The following SVIL variants were observed in gnomAD, a reference collection of about 807,000 sequenced individuals.
SVIL encodes the protein archvillin.
A neutral mutation model predicts 240.4 loss-of-function variants in SVIL; 101 were observed. That is an observed-to-expected ratio of 0.42 (90% CI 0.36 to 0.50). The LOEUF is 0.50. SVIL is among the 20% of genes least tolerant of loss of function. The pLI is 0.01. For synonymous variants in SVIL, 999 were observed against 1,100.0 expected (o/e 0.91, Z 1.82); for missense variants, 2,512 against 2,818.7 (o/e 0.89, Z 2.46).
intron 1 of SVIL, among the ~76,000 whole-genome samples, chr10:29,598,950 C>A (rs1956705873): frequency 6.6e-6 from 1 of 152,170 alleles, no homozygotes; most frequent in Admixed American, 6.5e-5. Flanking sequence ...CAGGCCAGCC[C>A]AGCCAACGTT....
chr10:29,554,576 A>C (rs1329214870), intron 5 of SVIL, among the ~76,000 whole-genome samples: 3 of 152,158 alleles, frequency 2.0e-5, no homozygotes, highest in Non-Finnish European at 2.9e-5. Flanking sequence ...CTTGAGCTTG[A>C]GCCCAGGAGT....
Position 29,627,036 on chromosome 10 carries a change from T to TAAAAATAAAA in SVIL, c.-201+7383_-201+7384insTTTTATTTTT, listed in dbSNP as rs1957902371. 1.0e-3 allele frequency among the ~76,000 whole-genome samples: 146 copies of TAAAAATAAAA among 141,388 alleles called. 1 individual carries two copies. Among genetic ancestry groups the TAAAAATAAAA allele is most frequent in the African/African-American group, 3.7e-3 (137 of 37,082 alleles). 92.8% of individuals were successfully genotyped at this position (141,388 alleles called of 152,430 possible). ...GAGACTCCATCTCAAAAAAATAAAA[T>TAAAAATAAAA]GAAAATAAAATAAAATAAAATAAAA... On this transcript the variant is annotated intron_variant, in intron 1 of 37. Coordinates refer to ENST00000355867, the MANE Select transcript of SVIL (RefSeq NM_021738.3).
chr10:29,736,078 G>A (rs958232114), upstream of SVIL, among the ~76,000 whole-genome samples: 2 of 151,998 alleles, frequency 1.3e-5, no homozygotes, highest in Non-Finnish European at 2.9e-5. Context: ...CTCTCAACGC[G>A]GGCACCCCTT....
chr10:29,517,578 GA>G (rs1277482306), intron 16 of SVIL, among the ~76,000 whole-genome samples: 9 of 152,228 alleles, frequency 5.9e-5, no homozygotes, highest in Admixed American at 1.3e-4. Context: ...TGGAGACAGG[GA>G]GACAGCCTCT....
chr10:29,693,378 G>T (rs1184251857), intron 1 of SVIL, among the ~76,000 whole-genome samples: 1 of 152,122 alleles, frequency 6.6e-6, no homozygotes, highest in East Asian at 1.9e-4. Flanking sequence ...CAATCTAGAA[G>T]GTTTCTCCCT....
intron 2 of SVIL, among the ~76,000 whole-genome samples, chr10:29,686,177 G>A (rs1961054081): frequency 6.6e-6 from 1 of 152,202 alleles, no homozygotes; most frequent in South Asian, 2.1e-4. Flanking sequence ...CAAGGAACCT[G>A]TGATTAAAAT....
At chr10:29,615,887 C>CT (rs1233392495) in intron 1 of SVIL, among the ~76,000 whole-genome samples, 1 of 152,214 alleles carries the variant, frequency 6.6e-6, no homozygotes, top group East Asian at 1.9e-4. Flanking sequence ...TTGCCATAAA[C>CT]TCCCACACTG....
chr10:29,500,182 G>A (rs916694896), intron 17 of SVIL, among the ~76,000 whole-genome samples: 2 of 152,248 alleles, frequency 1.3e-5, no homozygotes, highest in South Asian at 2.1e-4. Context: ...ATGCCACTGA[G>A]TGATGTGTAT....
intron 1 of SVIL, among the ~76,000 whole-genome samples, chr10:29,607,733 C>A (rs1293148182): frequency 6.6e-6 from 1 of 152,212 alleles, no homozygotes; most frequent in Admixed American, 6.5e-5. Flanking sequence ...GCCCAGCACA[C>A]CCATGCTGTG....
chr10:29,686,964 A>C (rs748668890), intron 1 of SVIL, among the ~76,000 whole-genome samples: 1 of 152,210 alleles, frequency 6.6e-6, no homozygotes, highest in Non-Finnish European at 1.5e-5. Context: ...GGAATATTTA[A>C]AAAAATCTCA....
At chr10:29,640,309 C>A (rs999698618) in intron 3 of SVIL, among the ~76,000 whole-genome samples, 2 of 152,152 alleles carry the variant, frequency 1.3e-5, no homozygotes, top group East Asian at 3.9e-4. Context: ...CATGGAATGT[C>A]CTCTTCGTAA....
At chr10:29,704,431 CTCTT>C (rs1388454594) in intron 1 of SVIL, among the ~76,000 whole-genome samples, 3 of 152,106 alleles carry the variant, frequency 2.0e-5, no homozygotes, top group Non-Finnish European at 4.4e-5. Flanking sequence ...CTCTCTCTCT[CTCTT>C]TTTTTCTGTA....
intron 3 of SVIL, among the ~76,000 whole-genome samples, chr10:29,645,688 T>C (rs1322151435): frequency 6.6e-6 from 1 of 152,220 alleles, no homozygotes; most frequent in African/African-American, 2.4e-5. Flanking sequence ...GATAAAATCC[T>C]TTGATCATGC....
intron 1 of SVIL, among the ~76,000 whole-genome samples, chr10:29,699,993 G>A (rs1177521868): frequency 6.6e-6 from 1 of 152,202 alleles, no homozygotes; most frequent in Admixed American, 6.5e-5. Context: ...CCAAGGAAAG[G>A]TTTCCAAACT....
In SVIL at chr10:29,684,425, AG is replaced by A. The variant is rs142960784; in HGVS notation, c.-301+2127del. On this transcript the variant is annotated intron_variant, in intron 2 of 35. Coordinates refer to the SVIL transcript ENST00000375400. ...TGGAAGGTATACACTGGTTCGATCC[AG>A]AAAGGCGGGACAACTTGGGGGGTGG... Among the ~76,000 whole-genome samples, 953 of 152,336 alleles carry A rather than the reference AG, an allele frequency of 6.3e-3. 8 individuals carry two copies. Among genetic ancestry groups the A allele is most frequent in the Middle Eastern group, 0.017 (5 of 294 alleles).
intron 32 of SVIL, 90 bp downstream of exon 32, chr10:29,470,186 A>G: frequency 6.9e-7 from 1 of 1,450,218 alleles, no homozygotes; most frequent in Non-Finnish European, 9.6e-7. Context: ...GCACCCTGGG[A>G]TCTGCTGGGA....
intron 6 of SVIL, 103 bp downstream of exon 6, chr10:29,550,494 G>T: frequency 2.5e-6 from 3 of 1,204,344 alleles, no homozygotes; most frequent in Non-Finnish European, 3.4e-6. Context: ...AATAAGCCTT[G>T]ACTTCCACAT....
intron 1 of SVIL, among the ~76,000 whole-genome samples, chr10:29,623,224 T>C (rs1432679314): frequency 6.6e-6 from 1 of 152,240 alleles, no homozygotes; most frequent in Non-Finnish European, 1.5e-5. Flanking sequence ...TATCAGCAGA[T>C]GCAAAGTGCA....
In SVIL at chr10:29,486,507, T is replaced by C. The variant is rs1005018737; in HGVS notation, c.4536A>G (p.Arg1512=). 6.2e-7 allele frequency: 1 copy of C among 1,614,170 alleles called. No individual in the cohort carries two copies. The highest frequency in any genetic ancestry group is 8.5e-7 in the Non-Finnish European group (1 of 1,180,022). Residue 1512 remains arginine (R), a synonymous_variant, in exon 25 of 38, where the codon AGA becomes AGG. Transcript: ENST00000355867. ...CTTCAATGGTTTGGATATAAGTAGC[T>C]CTACAACCAAGTTCCCTCTTTGTCT... The part of the protein sequence containing the change: ...LIQTKRELGC[R]ATYIQTIEEG...
Sources: allele counts gnomAD v4.1 joint callset (sites outside exome capture counted in the v4.1 genomes callset), GRCh38; gene constraint gnomAD v4.1.1; transcripts MANE v1.5; gene names NCBI Gene and HGNC (gene_info 2026-07-23, HGNC 2026-07-21).